Variants in SLC29A4 observed in about 807,000 individuals in gnomAD.
SLC29A4 encodes equilibrative nucleoside transporter 4.
Under a neutral mutation model 43.9 loss-of-function variants are expected in SLC29A4, and 36 were observed. That is an observed-to-expected ratio of 0.82 (90% confidence interval 0.63 to 1.08). The LOEUF is 1.08. SLC29A4 is among the 50% of genes least tolerant of loss of function. SLC29A4 has a pLI of 0.00. For missense variants in SLC29A4, 869 were observed against 755.3 expected, an observed-to-expected ratio of 1.15 and a Z score of -1.77; for synonymous variants, 491 against 338.0, an observed-to-expected ratio of 1.45 and a Z score of -4.97.
At chr7:5,295,513 C>T (rs940235691) in intron 6 of SLC29A4, among the ~76,000 whole-genome samples, 2 of 152,226 alleles carry the variant, frequency 1.3e-5, no homozygotes, top group African/African-American at 2.4e-5. Context: ...AGTCCTAGGT[C>T]TGTCCCCTGG....
intron 5 of SLC29A4, 82 bp downstream of exon 5, chr7:5,291,903 G>C: frequency 2.0e-6 from 3 of 1,529,308 alleles, no homozygotes; most frequent in Non-Finnish European, 2.6e-6. Flanking sequence ...CCTGCTGGTG[G>C]CATGTGACAT....
chr7:5,288,153 C>A (rs1224641790), intron 2 of SLC29A4, among the ~76,000 whole-genome samples, 168 bp downstream of exon 2: 7 of 152,202 alleles, frequency 4.6e-5, no homozygotes, highest in Admixed American at 3.9e-4. Context: ...CGCCCACCTT[C>A]TCAGTGTCTC....
Position 5,290,979 on chromosome 7 carries a change from G to A in SLC29A4, c.301+116G>A, listed in dbSNP as rs1019935397. On this transcript the variant is annotated intron_variant, in intron 3 of 10. Coordinates refer to ENST00000396872, the MANE Select transcript of SLC29A4 (RefSeq NM_153247.4). ...CGGGGACCTGTTTTATTCAGATCTCGGCTCCACTGTGAGCTGCTGAGTGAC... is the reference window on the plus strand; with the variant it reads ...CGGGGACCTGTTTTATTCAGATCTCAGCTCCACTGTGAGCTGCTGAGTGAC... The A allele has an allele frequency of 5.8e-5, 89 of 1,530,664 alleles. No homozygotes were observed. The Admixed American group carries it at 8.7e-4, about 15-fold the overall frequency. 94.8% of individuals were successfully genotyped at this position (1,530,664 alleles called of 1,614,324 possible).
intron 2 of SLC29A4, among the ~76,000 whole-genome samples, chr7:5,290,472 C>G (rs983382628): frequency 2.0e-5 from 3 of 152,222 alleles, no homozygotes; most frequent in Admixed American, 6.5e-5. Context: ...GCTGGGATTA[C>G]AGACGTGAGC....
chr7:5,300,549 C>G lies in SLC29A4; in HGVS notation c.1337C>G (p.Pro446Arg). The G allele has an allele frequency of 6.2e-7, 1 of 1,612,400 alleles. No homozygotes were observed. The highest frequency in any genetic ancestry group is 8.5e-7 in the Non-Finnish European group (1 of 1,179,762). The change falls in exon 10 of 11, where the codon CCC becomes CGC. Residue 446 changes from proline to arginine, a missense_variant. Pro to Arg is a moderately radical substitution (Grantham distance 103). Coordinates refer to ENST00000396872, the MANE Select transcript of SLC29A4 (RefSeq NM_153247.4). ...YPSGMPALRH[P>R]AWPCIFSLLM... ...AGCGGCATGCCCGCCCTCCGTCACC[C>G]CGCCTGGCCCTGCATCTTCTCACTG...
Position 5,302,808 on chromosome 7 carries a change from A to G in SLC29A4, c.1462A>G (p.Thr488Ala). ...GGTGTTGTCCACAGGGAACACCATG[A>G]CCGTGTCCTACATGTCAGGGCTGAC... ...KQRELAGNTM[T>A]VSYMSGLTLG... The change falls in exon 11 of 11, where the codon ACC (threonine) becomes GCC (alanine). Residue 488 changes from threonine (T) to alanine (A), a missense_variant. Coordinates refer to ENST00000396872, the MANE Select transcript of SLC29A4 (RefSeq NM_153247.4). The G allele has an allele frequency of 6.4e-7, 1 of 1,560,476 alleles. No homozygotes were observed. Among genetic ancestry groups the G allele is most frequent in the Non-Finnish European group, 8.7e-7 (1 of 1,152,476 alleles).
chr7:5,292,228 A>G (rs2128088483), intron 5 of SLC29A4, among the ~76,000 whole-genome samples: 2 of 152,184 alleles, frequency 1.3e-5, no homozygotes, highest in African/African-American at 4.8e-5. Flanking sequence ...CTCCCACCTC[A>G]GCCTCCTGAG....
At chr7:5,292,857 C>T (rs1181920628) in intron 5 of SLC29A4, among the ~76,000 whole-genome samples, 1 of 151,606 alleles carries the variant, frequency 6.6e-6, no homozygotes, top group Non-Finnish European at 1.5e-5. Flanking sequence ...CGCCACCATG[C>T]CAGGCTAATT....
At chr7:5,298,503 G>C (rs1189068642) in intron 7 of SLC29A4, among the ~76,000 whole-genome samples, 1 of 152,136 alleles carries the variant, frequency 6.6e-6, no homozygotes, top group Non-Finnish European at 1.5e-5. Context: ...TCAGAAGTGT[G>C]AGAGAGAGCC....
At position 5,303,107 on chromosome 7, in the gene SLC29A4, C is replaced by G. The variant is rs1422014491; in HGVS notation, c.*168C>G. 1.8e-5 allele frequency: 14 copies of G among 783,870 alleles called. No individual in the cohort carries two copies. The highest frequency in any genetic ancestry group is 2.8e-5 in the Non-Finnish European group (14 of 502,408). The allele number at this position is 783,870 out of a possible 1,614,324, so 48.6% of individuals were successfully genotyped here. A position where few individuals can be genotyped will look rare whatever the true frequency, so the allele number is the denominator to read the frequency against. On this transcript the variant is annotated 3_prime_UTR_variant, in exon 11 of 11. Coordinates refer to ENST00000396872, the MANE Select transcript of SLC29A4 (RefSeq NM_153247.4). The stretch of plus-strand genomic sequence containing the variant: ...CCATGCCCCACCCTGGACTGAAGTT[C>G]TGCAAAGTCCTCCGAGGACCGGAAC...
chr7:5,302,157 G>T (rs1786215939), intron 10 of SLC29A4, among the ~76,000 whole-genome samples: 1 of 152,016 alleles, frequency 6.6e-6, no homozygotes, highest in East Asian at 1.9e-4. Context: ...CACCATCTTG[G>T]CCAGGCTGGT....
At chr7:5,297,330 C>A in intron 7 of SLC29A4, 132 bp downstream of exon 7, 2 of 1,052,136 alleles carry the variant, frequency 1.9e-6, no homozygotes, top group Non-Finnish European at 2.6e-6. Context: ...GGTGGAGACT[C>A]CTTCCTGCCA....
At chr7:5,293,107 G>A (rs1476315851) in intron 5 of SLC29A4, among the ~76,000 whole-genome samples, 11 of 149,828 alleles carry the variant, frequency 7.3e-5, no homozygotes, top group African/African-American at 2.7e-4. Context: ...GTGTTTCATG[G>A]TAGTGACATT....
chr7:5,306,181 T>C lies in SLC29A4; in HGVS notation c.*3242T>C, dbSNP rs1227093236. On this transcript the variant is annotated 3_prime_UTR_variant, in exon 11 of 11. Coordinates refer to ENST00000396872, the MANE Select transcript of SLC29A4 (RefSeq NM_153247.4). The stretch of plus-strand genomic sequence containing the variant: ...CTTTTAATTTTTTCTCATGTAAATT[T>C]GTTCAATTTCTTTTTTTTTTTTTTT... The C allele has an allele frequency of 6.8e-6, 1 of 147,308 alleles. No homozygotes were observed. Among genetic ancestry groups the C allele is most frequent in the African/African-American group, 2.5e-5 (1 of 40,082 alleles). The allele number at this position is 147,308 out of a possible 1,614,324, so 9.1% of individuals were successfully genotyped here. A position where few individuals can be genotyped will look rare whatever the true frequency, so the allele number is the denominator to read the frequency against.
At chr7:5,300,390 G>T (rs1786054537) in intron 9 of SLC29A4, 32 bp from the exon 10 acceptor site, 1 of 1,609,712 alleles carries the variant, frequency 6.2e-7, no homozygotes, top group Non-Finnish European at 8.5e-7. Context: ...CTGTGGCCGG[G>T]ACAGGGCGCC....
chr7:5,303,193 G>A lies in SLC29A4; in HGVS notation c.*254G>A, dbSNP rs1174203650. 1.4e-5 allele frequency: 8 copies of A among 567,514 alleles called. No individual in the cohort carries two copies. Among genetic ancestry groups the A allele is most frequent in the East Asian group, 8.9e-5 (3 of 33,542 alleles). The allele number at this position is 567,514 out of a possible 1,614,324, so 35.2% of individuals were successfully genotyped here. A position where few individuals can be genotyped will look rare whatever the true frequency, so the allele number is the denominator to read the frequency against. Reference sequence around the variant, plus strand: ...GTTCTGCGTTTGGTCTCATACCTGCGTCTACCTTCCATCTGTGTCCAGCGG... The same window carrying A: ...GTTCTGCGTTTGGTCTCATACCTGCATCTACCTTCCATCTGTGTCCAGCGG... On this transcript the variant is annotated 3_prime_UTR_variant, in exon 11 of 11. Coordinates refer to ENST00000396872, the MANE Select transcript of SLC29A4 (RefSeq NM_153247.4).
chr7:5,299,080 T>C lies in SLC29A4; in HGVS notation c.975T>C (p.Phe325=), dbSNP rs779183680. The change falls in exon 8 of 11, where the codon TTT becomes TTC. Residue 325 remains phenylalanine, a synonymous_variant. Coordinates refer to ENST00000396872, the MANE Select transcript of SLC29A4 (RefSeq NM_153247.4). The part of the protein sequence containing the change: ...VTGSGGAYMR[F]DVPRPRVQRS... ...GCAGCGGCGGGGCCTACATGCGCTTTGATGTGCCGCGGCCAAGGGTCCAGC... is the reference window on the plus strand; with the variant it reads ...GCAGCGGCGGGGCCTACATGCGCTTCGATGTGCCGCGGCCAAGGGTCCAGC... The C allele has an allele frequency of 1.2e-6, 2 of 1,611,026 alleles. No individual in the cohort carries two copies. The highest frequency in any genetic ancestry group is 8.5e-7 in the Non-Finnish European group (1 of 1,179,518).
intron 1 of SLC29A4, among the ~76,000 whole-genome samples, chr7:5,286,065 A>G (rs1021674083): frequency 2.6e-5 from 4 of 152,074 alleles, no homozygotes; most frequent in African/African-American, 9.7e-5. Context: ...GTGGGACCCC[A>G]TGGGGTGGGC....
chr7:5,294,794 T>G, intron 5 of SLC29A4, 66 bp from the exon 6 acceptor site: 2 of 1,526,928 alleles, frequency 1.3e-6, no homozygotes, highest in Non-Finnish European at 1.8e-6. Flanking sequence ...AGTTCTCTAG[T>G]GCATTTCTCC....
Sources: allele counts gnomAD v4.1 joint callset (sites outside exome capture counted in the v4.1 genomes callset), GRCh38; gene constraint gnomAD v4.1.1; transcripts MANE v1.5; gene names NCBI Gene and HGNC (gene_info 2026-07-23, HGNC 2026-07-21).